Variants in CSMD3 observed in about 807,000 individuals in gnomAD.
CSMD3 encodes the protein CUB and sushi domain-containing protein 3.
Under a neutral mutation model 435.2 loss-of-function variants are expected in CSMD3, and 177 were observed. The ratio of observed to expected loss-of-function variants is 0.41; its 90% confidence interval spans 0.36 to 0.46. The LOEUF (loss-of-function observed/expected upper bound fraction) is 0.46, where lower values mean the gene tolerates loss of function less well. Ranked by LOEUF, CSMD3 falls within the 20% of genes least tolerant of loss-of-function variation. The pLI is 0.34. For synonymous variants in CSMD3, 1,656 were observed against 1,520.5 expected (o/e 1.09, Z -2.07); for missense variants, 4,265 against 4,504.6 (o/e 0.95, Z 1.52).
rs781346970 is a variant in CSMD3, at chr8:112,699,373, C to T, written c.1973-9323G>A. ...CTGTAACATTCACCGCTAGGGTCCA[C>T]GGCTTCATGCTTGAAGTCGGCAAGA... is the stretch of plus-strand genomic sequence containing the variant. On this transcript the variant is annotated intron_variant, in intron 13 of 70. Coordinates refer to ENST00000297405, the MANE Select transcript of CSMD3 (RefSeq NM_198123.2). Among the ~76,000 whole-genome samples the T allele has an allele frequency of 4.6e-5, 7 of 152,102 alleles. No homozygotes were observed. The East Asian group carries it at 5.8e-4, about 13-fold the overall frequency.
At chr8:112,706,537 G>C (rs1179488796) in intron 13 of CSMD3, among the ~76,000 whole-genome samples, 1 of 151,978 alleles carries the variant, frequency 6.6e-6, no homozygotes, top group African/African-American at 2.4e-5. Flanking sequence ...TGACTTTTTA[G>C]GTATGGAGAG....
chr8:112,735,945 A>G (rs1157089285), intron 13 of CSMD3, among the ~76,000 whole-genome samples: 2 of 152,022 alleles, frequency 1.3e-5, no homozygotes, highest in Non-Finnish European at 2.9e-5. Flanking sequence ...ATTTTTAATT[A>G]TACATCTCAA....
At chr8:112,881,190 C>T (rs959777133) in intron 10 of CSMD3, among the ~76,000 whole-genome samples, 1 of 151,926 alleles carries the variant, frequency 6.6e-6, no homozygotes, top group African/African-American at 2.4e-5. Flanking sequence ...ACAACCCAAA[C>T]AAGTTGATTA....
chr8:113,391,978 T>A (rs140496145), intron 1 of CSMD3, among the ~76,000 whole-genome samples: 2 of 152,082 alleles, frequency 1.3e-5, no homozygotes, highest in Non-Finnish European at 2.9e-5. Context: ...AATTTTCTCA[T>A]GTTATCCCCA....
intron 16 of CSMD3, among the ~76,000 whole-genome samples, chr8:112,674,108 G>A (rs2075719300): frequency 6.6e-6 from 1 of 152,002 alleles, no homozygotes; most frequent in Admixed American, 6.6e-5. Flanking sequence ...CTCACCCAAG[G>A]TGCCTTGAGT....
intron 5 of CSMD3, among the ~76,000 whole-genome samples, chr8:113,048,227 G>A (rs2087927010): frequency 6.6e-6 from 1 of 151,880 alleles, no homozygotes; most frequent in Non-Finnish European, 1.5e-5. Flanking sequence ...GGAGTAGCTG[G>A]GATTACAGGC....
chr8:112,775,301 C>A (rs1460010164), intron 13 of CSMD3, among the ~76,000 whole-genome samples: 3 of 151,574 alleles, frequency 2.0e-5, no homozygotes, highest in Non-Finnish European at 4.4e-5. Flanking sequence ...GCAGAAACTG[C>A]CTTAAAAGAA....
Position 113,117,030 on chromosome 8 carries a change from A to C in CSMD3, c.710-18067T>G, listed in dbSNP as rs529248040. ...TTGCAACCTGATGGTGTGACAGAAA[A>C]GAAAGACCCATTTTCTGAAAAGAGA... is the stretch of plus-strand genomic sequence containing the variant. On this transcript the variant is annotated intron_variant, in intron 4 of 70. Transcript: ENST00000297405. Among the ~76,000 whole-genome samples, 8 of 152,352 alleles carry C rather than the reference A, an allele frequency of 5.3e-5. No homozygotes were observed. The South Asian group carries it at 1.7e-3, about 32-fold the overall frequency.
intron 22 of CSMD3, among the ~76,000 whole-genome samples, chr8:112,602,714 T>C (rs1363206647): frequency 6.6e-6 from 1 of 151,896 alleles, no homozygotes; most frequent in Non-Finnish European, 1.5e-5. Context: ...ATGTATTATA[T>C]ACTATATTCT....
At chr8:113,280,414 T>G (rs1403542764) in intron 2 of CSMD3, among the ~76,000 whole-genome samples, 2 of 151,986 alleles carry the variant, frequency 1.3e-5, no homozygotes, top group African/African-American at 2.4e-5. Flanking sequence ...TTCCAGGAAT[T>G]TATCCGTCTC....
rs1227747927 is a variant in CSMD3, at chr8:112,824,454, T to G, written c.1859+5232A>C. 2.0e-5 allele frequency among the ~76,000 whole-genome samples: 3 copies of G among 152,228 alleles called. No homozygotes were observed. The East Asian group carries it at 5.8e-4, about 29-fold the overall frequency. ...CAGTGGCTGGTACTTGTCTTTCCTT[T>G]CCATATTGAGTGCTTCCTTCAGGAG... On this transcript the variant is annotated intron_variant, in intron 12 of 70. Coordinates refer to ENST00000297405, the MANE Select transcript of CSMD3 (RefSeq NM_198123.2).
At chr8:112,244,313 T>A in intron 65 of CSMD3, 81 bp downstream of exon 65, 1 of 1,205,176 alleles carries the variant, frequency 8.3e-7, no homozygotes, top group Non-Finnish European at 1.2e-6. Context: ...CTATGCTAAT[T>A]TGAGTTGAGT....
chr8:112,669,651 G>T (rs2075610969), intron 16 of CSMD3, among the ~76,000 whole-genome samples: 1 of 152,084 alleles, frequency 6.6e-6, no homozygotes, highest in Non-Finnish European at 1.5e-5. Flanking sequence ...AGGCCATAAA[G>T]AAGCATTTTC....
chr8:112,528,114 T>A (rs1024714433), intron 27 of CSMD3, among the ~76,000 whole-genome samples: 1 of 152,192 alleles, frequency 6.6e-6, no homozygotes, highest in African/African-American at 2.4e-5. Context: ...TGTATGCAAG[T>A]TGCAAGTTCA....
intron 2 of CSMD3, among the ~76,000 whole-genome samples, chr8:113,304,016 G>A (rs920310742): frequency 7.1e-6 from 1 of 141,000 alleles, no homozygotes; most frequent in Non-Finnish European, 1.5e-5. Context: ...CTACTCATCT[G>A]ACAAAGGGCT....
chr8:112,946,235 A>G (rs2083606553), intron 9 of CSMD3, among the ~76,000 whole-genome samples: 1 of 151,786 alleles, frequency 6.6e-6, no homozygotes, highest in East Asian at 1.9e-4. Context: ...ATTTGTCAAA[A>G]GCTGTATGGT....
chr8:112,624,711 C>T (rs1006481104), intron 22 of CSMD3, among the ~76,000 whole-genome samples: 1 of 151,892 alleles, frequency 6.6e-6, no homozygotes, highest in African/African-American at 2.4e-5. Flanking sequence ...AGCAAGGTAT[C>T]ACTATGTACA....
chr8:112,494,492 C>CT (rs1247101447), intron 30 of CSMD3, among the ~76,000 whole-genome samples: 3 of 76,666 alleles, frequency 3.9e-5, no homozygotes, highest in Admixed American at 1.2e-4. Context: ...GTTTCTTTCT[C>CT]TCCTTTCTTT....
rs566763406 is a variant in CSMD3, at chr8:112,479,471, T to C, written c.5279-6764A>G. Among the ~76,000 whole-genome samples, 3 of 152,238 alleles carry C rather than the reference T, an allele frequency of 2.0e-5. No individual in the cohort carries two copies. In the East Asian group the frequency reaches 5.8e-4, roughly 30 times the overall value. On this transcript the variant is annotated intron_variant, in intron 31 of 70. Transcript: ENST00000297405. The stretch of plus-strand genomic sequence containing the variant: ...GACAATGGGGAAAAGGTTTTGAAGG[T>C]ATTTCAGAGATCTTTCAGGCAGCCT...
Sources: gnomAD v4.1 joint callset for allele counts (sites outside exome capture counted in the v4.1 genomes callset) on GRCh38, gnomAD v4.1.1 for gene constraint, MANE v1.5 for transcripts, NCBI Gene and HGNC (gene_info 2026-07-23, HGNC 2026-07-21) for gene names.